The following KLHL1 variants were observed in gnomAD, a reference collection of about 807,000 sequenced individuals.
The protein encoded by KLHL1 is kelch-like protein 1.
A neutral mutation model predicts 77.7 loss-of-function variants in KLHL1; 47 were observed. That is an observed-to-expected ratio of 0.60 (90% CI 0.48 to 0.77). KLHL1 has a LOEUF of 0.77. Ranked by LOEUF, KLHL1 falls within the 30% of genes least tolerant of loss-of-function variation. The pLI is 0.00. For synonymous variants in KLHL1, 360 were observed against 325.2 expected, an observed-to-expected ratio of 1.11 and a Z score of -1.15; for missense variants, 925 against 910.8, an observed-to-expected ratio of 1.02 and a Z score of -0.20.
chr13:69,836,382 A>G (rs1356027901), intron 6 of KLHL1, among the ~76,000 whole-genome samples: 1 of 152,114 alleles, frequency 6.6e-6, no homozygotes, highest in African/African-American at 2.4e-5. Flanking sequence ...CAGAAAATGG[A>G]AGCTAAGATG....
rs113112947 is a variant in KLHL1, at chr13:69,882,447, C to A, written c.1063G>T (p.Ala355Ser). ...IRNQEFLLLP[A>S]EELHKLLASD... The stretch of plus-strand genomic sequence containing the variant: ...GCCAGTAGTTTATGGAGCTCCTCAG[C>A]TGGAAGGAGTAAAAACTCTTGATTT... Residue 355 changes from alanine to serine, a missense_variant, in exon 5 of 11, where the codon GCT becomes TCT. By Grantham distance (99) the Ala-to-Ser change is moderately conservative. Transcript: ENST00000377844. The A allele has an allele frequency of 3.7e-6, 6 of 1,613,962 alleles. No homozygotes were observed. Among genetic ancestry groups the A allele is most frequent in the African/African-American group, 1.3e-5 (1 of 75,034 alleles).
intron 1 of KLHL1, among the ~76,000 whole-genome samples, chr13:70,016,747 CG>C (rs1166650433): frequency 6.6e-6 from 1 of 152,076 alleles, no homozygotes; most frequent in African/African-American, 2.4e-5. Context: ...CAAAAAGGGG[CG>C]GGTCCCAGGT....
chr13:69,911,367 C>T (rs1164267273), intron 4 of KLHL1, among the ~76,000 whole-genome samples: 1 of 151,826 alleles, frequency 6.6e-6, no homozygotes, highest in Non-Finnish European at 1.5e-5. Context: ...TTTTGGAATT[C>T]TGGTATCAAA....
intron 5 of KLHL1, among the ~76,000 whole-genome samples, chr13:69,870,443 T>C (rs1880535396): frequency 6.6e-6 from 1 of 151,550 alleles, no homozygotes; most frequent in African/African-American, 2.4e-5. Flanking sequence ...CAACATGAGT[T>C]TTTGGGGGAC....
At chr13:70,008,094 G>A (rs1157398880) in intron 1 of KLHL1, among the ~76,000 whole-genome samples, 1 of 151,900 alleles carries the variant, frequency 6.6e-6, no homozygotes. Flanking sequence ...CTTTTTACAA[G>A]ATTTCTAGCT....
intron 1 of KLHL1, among the ~76,000 whole-genome samples, chr13:70,072,504 A>C (rs991774167): frequency 6.6e-6 from 1 of 152,150 alleles, no homozygotes; most frequent in Non-Finnish European, 1.5e-5. Context: ...AAAACTACAG[A>C]TCAATATCTG....
chr13:70,029,352 T>C (rs1370507484), intron 1 of KLHL1, among the ~76,000 whole-genome samples: 1 of 152,200 alleles, frequency 6.6e-6, no homozygotes, highest in African/African-American at 2.4e-5. Context: ...AAGCAAACGT[T>C]GATTCTCCAC....
chr13:69,872,495 C>A (rs1163141853), intron 5 of KLHL1, among the ~76,000 whole-genome samples: 1 of 152,080 alleles, frequency 6.6e-6, no homozygotes, highest in Non-Finnish European at 1.5e-5. Flanking sequence ...ATCTTCATTA[C>A]CATAATACAC....
intron 8 of KLHL1, among the ~76,000 whole-genome samples, chr13:69,738,572 A>C (rs1873857338): frequency 6.6e-6 from 1 of 152,114 alleles, no homozygotes; most frequent in Non-Finnish European, 1.5e-5. Context: ...GATAGAGCTG[A>C]AAGTCAGTCA....
chr13:69,895,227 G>C (rs1881586874), intron 4 of KLHL1: 1 of 518,084 alleles, frequency 1.9e-6, no homozygotes, highest in South Asian at 1.4e-5. Flanking sequence ...GTTGCAGTTT[G>C]CTGGCAGCAT....
At chr13:69,777,694 ACTT>A (rs1875903715) in intron 7 of KLHL1, among the ~76,000 whole-genome samples, 2 of 152,030 alleles carry the variant, frequency 1.3e-5, no homozygotes, top group South Asian at 4.1e-4. Flanking sequence ...CTTATGCATC[ACTT>A]CTTTTTGGAA....
At chr13:70,099,687 G>A (rs1887877737) in intron 1 of KLHL1, among the ~76,000 whole-genome samples, 1 of 151,964 alleles carries the variant, frequency 6.6e-6, no homozygotes, top group South Asian at 2.1e-4. Flanking sequence ...CATACAATAA[G>A]CTTTTTGTCC....
chr13:69,996,459 G>A (rs1172680196), intron 1 of KLHL1, among the ~76,000 whole-genome samples: 1 of 152,036 alleles, frequency 6.6e-6, no homozygotes, highest in East Asian at 1.9e-4. Flanking sequence ...GAAGATAATT[G>A]AAGCTGATAC....
At chr13:70,057,498 C>T (rs1162112823) in intron 1 of KLHL1, among the ~76,000 whole-genome samples, 3 of 140,318 alleles carry the variant, frequency 2.1e-5, no homozygotes, top group East Asian at 4.2e-4. Context: ...AAAAAGAGGC[C>T]GGGCGCGGTG....
At chr13:70,100,348 T>C (rs887304607) in intron 1 of KLHL1, among the ~76,000 whole-genome samples, 1 of 152,140 alleles carries the variant, frequency 6.6e-6, no homozygotes, top group Admixed American at 6.5e-5. Context: ...AGAAATACAA[T>C]TGAATTTTGT....
chr13:70,066,108 T>C (rs1886999385), intron 1 of KLHL1, among the ~76,000 whole-genome samples: 1 of 152,170 alleles, frequency 6.6e-6, no homozygotes, highest in Admixed American at 6.5e-5. Flanking sequence ...CTGAACTAAA[T>C]CAAGCAACAC....
chr13:69,962,913 TGAA>T (rs951222448), intron 2 of KLHL1, among the ~76,000 whole-genome samples: 8 of 152,188 alleles, frequency 5.3e-5, no homozygotes, highest in Non-Finnish European at 8.8e-5. Context: ...TCGGCTATTT[TGAA>T]GAAGACTTTC....
In KLHL1 at chr13:69,903,734, TG is replaced by T. The variant is rs1243562545; in HGVS notation, c.1015-21240del. Among the ~76,000 whole-genome samples the T allele has an allele frequency of 1.4e-4, 18 of 130,800 alleles. 1 individual carries two copies. The highest frequency in any genetic ancestry group is 1.6e-5 in the Non-Finnish European group (1 of 63,934). The allele number at this position is 130,800 out of a possible 152,430, so 85.8% of individuals were successfully genotyped here. A position where few individuals can be genotyped will look rare whatever the true frequency, so the allele number is the denominator to read the frequency against. Reference sequence around the variant, plus strand: ...TCGGCTCACTGCAACCTCCGCCTCCTGGGTTCAAGCGATTCTCCTGCCTCAG... The same window carrying T: ...TCGGCTCACTGCAACCTCCGCCTCCTGGTTCAAGCGATTCTCCTGCCTCAG... On this transcript the variant is annotated intron_variant, in intron 4 of 10. Transcript: ENST00000377844.
At chr13:69,748,165 C>T (rs1874300842) in intron 7 of KLHL1, among the ~76,000 whole-genome samples, 1 of 151,952 alleles carries the variant, frequency 6.6e-6, no homozygotes, top group Non-Finnish European at 1.5e-5. Flanking sequence ...GTGAGACTAT[C>T]AGAGGTGGCG....
Sources: allele counts gnomAD v4.1 joint callset (sites outside exome capture counted in the v4.1 genomes callset), GRCh38; gene constraint gnomAD v4.1.1; transcripts MANE v1.5; gene names NCBI Gene and HGNC (gene_info 2026-07-23, HGNC 2026-07-21).